The following INPP5B variants were observed in gnomAD, a reference collection of about 807,000 sequenced individuals.
INPP5B encodes the protein type II inositol 1,4,5-trisphosphate 5-phosphatase.
INPP5B carries 90 observed loss-of-function variants against 118.5 expected under a neutral mutation model. The ratio of observed to expected loss-of-function variants is 0.76; its 90% CI spans 0.64 to 0.90. INPP5B has a LOEUF of 0.90. Among genes scored for constraint, INPP5B ranks in the 40% least tolerant of loss-of-function variants. The pLI is 0.00. For missense variants in INPP5B, 984 were observed against 1,125.6 expected, an observed-to-expected ratio of 0.87 and a Z score of 1.80; for synonymous variants, 385 against 418.9, an observed-to-expected ratio of 0.92 and a Z score of 0.99.
chr1:37,869,376 C>A (rs1642260366), intron 19 of INPP5B, among the ~76,000 whole-genome samples: 3 of 151,686 alleles, frequency 2.0e-5, no homozygotes, highest in Admixed American at 2.0e-4. Context: ...AACACTTGGA[C>A]TCAAGTGATC....
intron 7 of INPP5B, 96 bp downstream of exon 7, chr1:37,931,817 T>A: frequency 6.2e-7 from 1 of 1,608,736 alleles, no homozygotes; most frequent in Non-Finnish European, 8.5e-7. Flanking sequence ...CGAAAGCCTG[T>A]CTTCTCCATC....
chr1:37,865,776 G>C lies in INPP5B; in HGVS notation c.2499C>G (p.Tyr833Ter). ...YHNCLECSGNYTASKQVISTL... is the reference protein window; with the variant it reads ...YHNCLECSGN ...TTCCTCTCACCTGTTTGCTTGCTGTGTAGTTGCCAGAACACTCCAAGCAGT... is the reference window on the plus strand; with the variant it reads ...TTCCTCTCACCTGTTTGCTTGCTGTCTAGTTGCCAGAACACTCCAAGCAGT... The change falls in exon 22 of 24, where the codon TAC becomes TAG. Residue 833 changes from tyrosine (Y) to a stop codon, truncating the protein, a stop_gained. Coordinates refer to ENST00000373024, the MANE Select transcript of INPP5B (RefSeq NM_005540.3). LOFTEE classifies it high-confidence loss of function. 1 of 1,613,480 alleles carries C rather than the reference G, an allele frequency of 6.2e-7. No homozygotes were observed. The highest frequency in any genetic ancestry group is 1.1e-5 in the South Asian group (1 of 91,034).
At chr1:37,885,858 A>G (rs779983285) in intron 12 of INPP5B, 33 bp from the exon 13 acceptor site, 131 of 1,599,580 alleles carry the variant, frequency 8.2e-5, no homozygotes, top group Non-Finnish European at 1.1e-4. Flanking sequence ...AATCCAATTC[A>G]AACTTAATTG....
intron 7 of INPP5B, among the ~76,000 whole-genome samples, chr1:37,927,987 C>A (rs2148654111): frequency 6.6e-6 from 1 of 152,278 alleles, no homozygotes; most frequent in South Asian, 2.1e-4. Context: ...AGACCAGATT[C>A]ACCTATCCCC....
intron 7 of INPP5B, among the ~76,000 whole-genome samples, chr1:37,897,109 C>T (rs1557666094): frequency 1.5e-5 from 2 of 136,924 alleles, no homozygotes; most frequent in African/African-American, 2.7e-5. Flanking sequence ...GGAGGGAGGT[C>T]GGGGGGGTCA....
intron 7 of INPP5B, among the ~76,000 whole-genome samples, chr1:37,925,928 G>A (rs564139366): frequency 3.3e-5 from 5 of 152,286 alleles, no homozygotes; most frequent in African/African-American, 1.2e-4. Flanking sequence ...AGTTACTTAG[G>A]AGCCTGCAGA....
chr1:37,915,996 G>C (rs1245211687), intron 7 of INPP5B, among the ~76,000 whole-genome samples: 1 of 152,204 alleles, frequency 6.6e-6, no homozygotes. Context: ...AATAAGATCT[G>C]TTGAAGGCCC....
chr1:37,883,934 G>C (rs9329570), intron 13 of INPP5B: 1 of 811,686 alleles, frequency 1.2e-6, no homozygotes, highest in Non-Finnish European at 1.5e-6. Context: ...TTTAGACAAA[G>C]AGGAAGTTGT....
At chr1:37,908,045 T>C (rs1164252224) in intron 7 of INPP5B, among the ~76,000 whole-genome samples, 5 of 152,166 alleles carry the variant, frequency 3.3e-5, no homozygotes, top group Admixed American at 1.3e-4. Context: ...GAATGTACTT[T>C]GTACACCTAT....
intron 7 of INPP5B, chr1:37,931,343 T>A: frequency 9.2e-7 from 1 of 1,090,828 alleles, no homozygotes; most frequent in Non-Finnish European, 1.2e-6. Context: ...AGATCAGGAT[T>A]GAAGAGCAAG....
chr1:37,885,831 GA>G lies in INPP5B; in HGVS notation c.1132-7del. ...GCCACGCCTCCCTTGTTGCCCTATG[GA>G]AAGGATCCCCAAAGAAATCCAATTC... On this transcript the variant is annotated splice_polypyrimidine_tract_variant and splice_region_variant and intron_variant, in intron 12 of 23. Coordinates refer to ENST00000373024, the MANE Select transcript of INPP5B (RefSeq NM_005540.3). The G allele has an allele frequency of 6.2e-7, 1 of 1,612,394 alleles. No individual in the cohort carries two copies. Among genetic ancestry groups the G allele is most frequent in the Non-Finnish European group, 8.5e-7 (1 of 1,178,744 alleles).
intron 7 of INPP5B, among the ~76,000 whole-genome samples, chr1:37,919,875 G>C (rs1309152677): frequency 6.6e-6 from 1 of 152,154 alleles, no homozygotes; most frequent in Non-Finnish European, 1.5e-5. Flanking sequence ...CCAGGAGGCA[G>C]AGGTTGCAGT....
intron 9 of INPP5B, 37 bp downstream of exon 9, chr1:37,889,520 T>C (rs770686469): frequency 5.1e-6 from 8 of 1,556,792 alleles, no homozygotes; most frequent in Admixed American, 1.8e-5. Context: ...CAAATGATCA[T>C]TCTGCTCTGA....
intron 22 of INPP5B, chr1:37,864,770 TAG>T (rs1317443390): frequency 5.8e-6 from 1 of 173,012 alleles, no homozygotes; most frequent in Admixed American, 6.2e-5. Context: ...GTGAAGTAAG[TAG>T]AGAGAACACT....
rs536875366 is a variant in INPP5B at position 37,887,829 on chromosome 1, C to G, written c.900-364G>C. Among the ~76,000 whole-genome samples the G allele has an allele frequency of 1.6e-4, 24 of 151,296 alleles. 1 individual carries two copies. The South Asian group carries it at 4.0e-3, about 25-fold the overall frequency. On this transcript the variant is annotated intron_variant, in intron 10 of 23. Coordinates refer to ENST00000373024, the MANE Select transcript of INPP5B (RefSeq NM_005540.3). Reference sequence around the variant, plus strand: ...CCATACAAGCTTTGCTGCCCCTCCCCACTAGTAATGCCCAGTATAGAGATG... The same window carrying G: ...CCATACAAGCTTTGCTGCCCCTCCCGACTAGTAATGCCCAGTATAGAGATG...
chr1:37,903,893 G>T (rs1325866196), intron 7 of INPP5B, among the ~76,000 whole-genome samples: 1 of 152,140 alleles, frequency 6.6e-6, no homozygotes, highest in African/African-American at 2.4e-5. Flanking sequence ...AAAGAAAAAG[G>T]CTTAAATAAA....
chr1:37,883,012 C>T (rs1291353121), intron 13 of INPP5B, 94 bp from the exon 14 acceptor site: 2 of 1,516,690 alleles, frequency 1.3e-6, no homozygotes, highest in Admixed American at 2.4e-5. Context: ...GAGGCTCAGC[C>T]TCTTGGGAGG....
chr1:37,866,400 TCTCTCTCACACACA>T, intron 21 of INPP5B, 45 bp downstream of exon 21: 4 of 686,182 alleles, frequency 5.8e-6, no homozygotes, highest in African/African-American at 4.8e-5. Flanking sequence ...TCTCTCTCTC[TCTCTCTCACACACA>T]CACACACACA....
chr1:37,871,895 C>CCAA (rs1642464342), intron 19 of INPP5B, among the ~76,000 whole-genome samples: 1 of 112,550 alleles, frequency 8.9e-6, no homozygotes, highest in South Asian at 2.8e-4. Context: ...GACTCTGTTT[C>CCAA]AAAAAAAAAA....
Sources: allele counts gnomAD v4.1 joint callset (sites outside exome capture counted in the v4.1 genomes callset), GRCh38; gene constraint gnomAD v4.1.1; transcripts MANE v1.5; gene names NCBI Gene and HGNC (gene_info 2026-07-23, HGNC 2026-07-21).